Variants in GRM7 observed in about 807,000 individuals in gnomAD.
GRM7 encodes the protein glutamate metabotropic receptor 7.
GRM7 carries 35 observed loss-of-function variants against 84.5 expected under a neutral mutation model. The ratio of observed to expected loss-of-function variants is 0.41; its 90% CI spans 0.32 to 0.55. The LOEUF is 0.55. Ranked by LOEUF, GRM7 falls within the 20% of genes least tolerant of loss-of-function variation. The probability of loss-of-function intolerance (pLI) is 0.19; values close to 1 mark genes in which losing one functional copy is unlikely to be tolerated. For missense variants in GRM7, 1,003 were observed against 1,194.6 expected (o/e 0.84, Z 2.36); for synonymous variants, 487 against 455.1 (o/e 1.07, Z -0.89).
chr3:7,627,697 C>T (rs1215656941), intron 8 of GRM7, among the ~76,000 whole-genome samples: 2 of 152,120 alleles, frequency 1.3e-5, no homozygotes, highest in African/African-American at 2.4e-5. Context: ...TTTATTTGCT[C>T]ACAGTTCTGG....
chr3:7,595,219 G>A (rs1228192426), intron 8 of GRM7, among the ~76,000 whole-genome samples: 1 of 152,154 alleles, frequency 6.6e-6, no homozygotes, highest in African/African-American at 2.4e-5. Context: ...AATGATATGT[G>A]CTCTGAAGAG....
At chr3:6,935,776 A>G (rs1002698271) in intron 1 of GRM7, among the ~76,000 whole-genome samples, 1 of 151,210 alleles carries the variant, frequency 6.6e-6, no homozygotes, top group African/African-American at 2.4e-5. Flanking sequence ...GCTCACTGCA[A>G]CCTCCGCCTC....
In GRM7 at chr3:7,413,368, C is replaced by T. The variant is rs370039535; in HGVS notation, c.1034-1655C>T. 9.9e-5 allele frequency among the ~76,000 whole-genome samples: 15 copies of T among 152,222 alleles called. 1 individual carries two copies. The highest frequency in any genetic ancestry group is 5.8e-4 in the East Asian group (3 of 5,178). On this transcript the variant is annotated intron_variant, in intron 4 of 9. Coordinates refer to ENST00000357716, the MANE Select transcript of GRM7 (RefSeq NM_000844.4). ...CGTGGACAATTTTATTCCTTGTGAG[C>T]GAAATTGAATAGAGGCAAACTTCAA...
intron 7 of GRM7, among the ~76,000 whole-genome samples, chr3:7,546,208 A>G (rs944351582): frequency 5.3e-5 from 8 of 152,166 alleles, no homozygotes; most frequent in Non-Finnish European, 1.0e-4. Context: ...GATACACAGA[A>G]AAGTTGGAAA....
At chr3:6,961,253 AGATACCAGTCT>A (rs1338135462) in intron 1 of GRM7, among the ~76,000 whole-genome samples, 10 of 152,192 alleles carry the variant, frequency 6.6e-5, no homozygotes, top group African/African-American at 2.4e-4. Context: ...ATCACGCTAA[AGATACCAGTCT>A]GACAATTTGC....
intron 7 of GRM7, among the ~76,000 whole-genome samples, chr3:7,485,950 A>C (rs1298069067): frequency 2.0e-5 from 3 of 152,194 alleles, no homozygotes; most frequent in Non-Finnish European, 4.4e-5. Context: ...AGAAGCTGTA[A>C]CTTAAGGTGC....
intron 2 of GRM7, among the ~76,000 whole-genome samples, chr3:7,273,941 A>AT (rs2124982615): frequency 6.6e-6 from 1 of 151,548 alleles, no homozygotes; most frequent in East Asian, 1.9e-4. Flanking sequence ...TTTTATTCCT[A>AT]TTTTTATCTT....
chr3:7,428,668 A>T (rs527867428), intron 5 of GRM7, among the ~76,000 whole-genome samples: 4 of 152,226 alleles, frequency 2.6e-5, no homozygotes, highest in African/African-American at 9.6e-5. Context: ...GTGTCCAATA[A>T]CTACTTGTCC....
intron 4 of GRM7, among the ~76,000 whole-genome samples, chr3:7,317,166 C>T (rs547556682): frequency 1.9e-4 from 29 of 152,130 alleles, no homozygotes; most frequent in African/African-American, 6.0e-4. Context: ...AGACTTATTG[C>T]GTCTGAGTGA....
chr3:7,377,941 G>A lies in GRM7; in HGVS notation c.1034-37082G>A, dbSNP rs77880251. 4.9e-3 allele frequency among the ~76,000 whole-genome samples: 741 copies of A among 152,260 alleles called. 8 individuals carry two copies. The highest frequency in any genetic ancestry group is 0.017 in the African/African-American group (712 of 41,556). On this transcript the variant is annotated intron_variant, in intron 4 of 9. Transcript: ENST00000357716. ...TCCATGTATCTGTGGAAGCTGACACGGTGGTTCTCAGTCACATGGAACTTC... is the reference window on the plus strand; with the variant it reads ...TCCATGTATCTGTGGAAGCTGACACAGTGGTTCTCAGTCACATGGAACTTC...
At chr3:7,570,133 G>C (rs1694571723) in intron 7 of GRM7, among the ~76,000 whole-genome samples, 1 of 152,134 alleles carries the variant, frequency 6.6e-6, no homozygotes, top group East Asian at 1.9e-4. Context: ...CATGGAAATT[G>C]TGGGGTTTAC....
intron 1 of GRM7, among the ~76,000 whole-genome samples, chr3:7,047,121 GC>G (rs1482031994): frequency 2.0e-5 from 3 of 151,784 alleles, no homozygotes; most frequent in Non-Finnish European, 4.4e-5. Context: ...AGTCAAATCT[GC>G]CCCACTACCT....
intron 8 of GRM7, among the ~76,000 whole-genome samples, chr3:7,594,743 C>T (rs1345780445): frequency 6.6e-6 from 1 of 152,070 alleles, no homozygotes; most frequent in Non-Finnish European, 1.5e-5. Flanking sequence ...TCCTGACCAC[C>T]ATCTGGGCCT....
chr3:7,616,889 C>G (rs1470968946), intron 8 of GRM7, among the ~76,000 whole-genome samples: 1 of 151,954 alleles, frequency 6.6e-6, no homozygotes, highest in African/African-American at 2.4e-5. Flanking sequence ...ATTACTAGCT[C>G]TAAATTAATA....
intron 1 of GRM7, among the ~76,000 whole-genome samples, chr3:7,002,174 A>G (rs1427957992): frequency 6.6e-6 from 1 of 152,206 alleles, no homozygotes; most frequent in Non-Finnish European, 1.5e-5. Flanking sequence ...ATTAGGAATT[A>G]TTAAGAGAAG....
chr3:7,244,830 T>C (rs964700529), intron 2 of GRM7, among the ~76,000 whole-genome samples: 4 of 151,886 alleles, frequency 2.6e-5, no homozygotes, highest in African/African-American at 9.7e-5. Flanking sequence ...GAAGGAACAG[T>C]CTATAGAAGC....
intron 8 of GRM7, among the ~76,000 whole-genome samples, chr3:7,649,328 CA>C (rs1267387916): frequency 6.6e-6 from 1 of 151,970 alleles, no homozygotes; most frequent in Non-Finnish European, 1.5e-5. Flanking sequence ...CTCGGCCTCC[CA>C]AAGTGCTGGG....
At position 7,707,979 on chromosome 3, in the gene GRM7, C is replaced by A. The variant is rs550466410; in HGVS notation, c.2698+27684C>A. 4.8e-5 allele frequency among the ~76,000 whole-genome samples: 7 copies of A among 144,940 alleles called. No individual in the cohort carries two copies. In the South Asian group the frequency reaches 8.7e-4, roughly 18 times the overall value. On this transcript the variant is annotated intron_variant, in intron 9 of 9. Coordinates refer to ENST00000357716, the MANE Select transcript of GRM7 (RefSeq NM_000844.4). ...TACTTCCCATGCCCTATAAAGCAAG[C>A]CTTTTTTTAACTTCCAAACTCAGAG...
At chr3:7,529,056 C>A (rs755705648) in intron 7 of GRM7, among the ~76,000 whole-genome samples, 3 of 151,964 alleles carry the variant, frequency 2.0e-5, no homozygotes, top group Admixed American at 2.0e-4. Context: ...AACTTAAGAA[C>A]TTTTTTGTTA....
Sources: allele counts gnomAD v4.1 joint callset (sites outside exome capture counted in the v4.1 genomes callset), GRCh38; gene constraint gnomAD v4.1.1; transcripts MANE v1.5; gene names NCBI Gene and HGNC (gene_info 2026-07-23, HGNC 2026-07-21).